The following SEPTIN7 variants were observed in gnomAD, a reference collection of about 807,000 sequenced individuals.
SEPTIN7 encodes the protein septin-7.
In SEPTIN7, 10 loss-of-function variants were observed where a neutral mutation model predicts 63.3. That is an observed-to-expected ratio of 0.16 (90% confidence interval 0.10 to 0.27). The LOEUF is 0.27. Ranked by LOEUF, SEPTIN7 falls within the 10% of genes least tolerant of loss-of-function variation. The pLI is 1.00. For synonymous variants in SEPTIN7, 131 were observed against 165.3 expected, an observed-to-expected ratio of 0.79 and a Z score of 1.59; for missense variants, 310 against 521.0, an observed-to-expected ratio of 0.59 and a Z score of 3.94.
chr7:35,858,313 T>G (rs1026096450), intron 3 of SEPTIN7, among the ~76,000 whole-genome samples: 2 of 152,126 alleles, frequency 1.3e-5, no homozygotes, highest in African/African-American at 4.8e-5. Flanking sequence ...TTATGGTTTG[T>G]CAGTTTTGTT....
intron 1 of SEPTIN7, among the ~76,000 whole-genome samples, chr7:35,811,703 A>G (rs1788716940): frequency 6.6e-6 from 1 of 152,146 alleles, no homozygotes; most frequent in South Asian, 2.1e-4. Context: ...TCTGGCCAAC[A>G]TGGTGAAACC....
intron 1 of SEPTIN7, among the ~76,000 whole-genome samples, chr7:35,823,860 T>C (rs1165842794): frequency 6.6e-6 from 1 of 151,642 alleles, no homozygotes; most frequent in Non-Finnish European, 1.5e-5. Flanking sequence ...ACTTCTCTTC[T>C]CTTTTTTTTT....
chr7:35,813,518 C>T (rs531707378), intron 1 of SEPTIN7, among the ~76,000 whole-genome samples: 8 of 152,258 alleles, frequency 5.3e-5, no homozygotes, highest in African/African-American at 1.9e-4. Context: ...GGATTACAGG[C>T]GTGTGCCACC....
At chr7:35,866,882 G>C (rs1785836442) in intron 4 of SEPTIN7, among the ~76,000 whole-genome samples, 1 of 152,176 alleles carries the variant, frequency 6.6e-6, no homozygotes, top group Non-Finnish European at 1.5e-5. Flanking sequence ...CACCTGGAAG[G>C]CTTGTCGAAA....
chr7:35,841,516 G>T (rs1393307869), intron 3 of SEPTIN7, among the ~76,000 whole-genome samples: 1 of 152,142 alleles, frequency 6.6e-6, no homozygotes, highest in African/African-American at 2.4e-5. Context: ...AAACTTCATA[G>T]TATATAGGCT....
intron 10 of SEPTIN7, among the ~76,000 whole-genome samples, chr7:35,887,195 A>G (rs575820719): frequency 2.0e-5 from 3 of 152,378 alleles, no homozygotes; most frequent in Non-Finnish European, 4.4e-5. Context: ...ATACTAATTT[A>G]CCATTGCATT....
At chr7:35,869,026 G>A (rs1785984435) in intron 4 of SEPTIN7, among the ~76,000 whole-genome samples, 1 of 152,056 alleles carries the variant, frequency 6.6e-6, no homozygotes, top group African/African-American at 2.4e-5. Flanking sequence ...ATATTAGCAG[G>A]GAAATTCTTG....
chr7:35,834,955 A>C (rs1475857574), intron 3 of SEPTIN7, among the ~76,000 whole-genome samples: 1 of 152,156 alleles, frequency 6.6e-6, no homozygotes, highest in African/African-American at 2.4e-5. Context: ...ATCAACTGAG[A>C]ATCTGTAACA....
chr7:35,855,047 C>T (rs547648135), intron 3 of SEPTIN7, among the ~76,000 whole-genome samples: 2 of 152,194 alleles, frequency 1.3e-5, no homozygotes, highest in Admixed American at 6.5e-5. Flanking sequence ...CATTTCCAGT[C>T]CTGTCTCTAG....
At chr7:35,816,475 T>C (rs1789075521) in intron 1 of SEPTIN7, among the ~76,000 whole-genome samples, 2 of 152,188 alleles carry the variant, frequency 1.3e-5, no homozygotes, top group Non-Finnish European at 2.9e-5. Context: ...ATTTATCCGT[T>C]AGTTGATATT....
At chr7:35,882,766 A>G (rs1324696606) in intron 8 of SEPTIN7, among the ~76,000 whole-genome samples, 190 bp downstream of exon 8, 2 of 152,108 alleles carry the variant, frequency 1.3e-5, no homozygotes, top group Admixed American at 6.5e-5. Flanking sequence ...AAGGAATTGT[A>G]TAAACTACTG....
chr7:35,843,247 C>G (rs908019905), intron 3 of SEPTIN7, among the ~76,000 whole-genome samples: 17 of 152,304 alleles, frequency 1.1e-4, no homozygotes, highest in Middle Eastern at 6.8e-3. Flanking sequence ...CTGCTTACCT[C>G]TCTTGTGCTG....
chr7:35,826,311 T>C (rs983902031), intron 1 of SEPTIN7, among the ~76,000 whole-genome samples: 7 of 151,446 alleles, frequency 4.6e-5, no homozygotes, highest in African/African-American at 7.3e-5. Flanking sequence ...AGTCTGTGGT[T>C]GTTTTTCATA....
rs538003853 is a variant in SEPTIN7, at chr7:35,906,363, C to T, written c.*2070C>T. 1.3e-5 allele frequency: 2 copies of T among 152,234 alleles called. No individual in the cohort carries two copies. The highest frequency in any genetic ancestry group is 4.8e-5 in the African/African-American group (2 of 41,542). The allele number at this position is 152,234 out of a possible 1,614,324, so 9.4% of individuals were successfully genotyped here. ...AGGACTTTTGATTGTTGACTCCAGG[C>T]TTAGGTATATCAGAAGGTTCTTTTT... On this transcript the variant is annotated 3_prime_UTR_variant, in exon 14 of 14. Coordinates refer to ENST00000350320, the MANE Select transcript of SEPTIN7 (RefSeq NM_001788.6).
At chr7:35,892,598 T>C (rs1228138934) in intron 11 of SEPTIN7, among the ~76,000 whole-genome samples, 2 of 152,152 alleles carry the variant, frequency 1.3e-5, no homozygotes. Flanking sequence ...AAAGGAATTA[T>C]TTATTTGTTC....
Position 35,863,531 on chromosome 7 carries a change from A to G in SEPTIN7, c.170-21A>G, listed in dbSNP as rs1183131798. On this transcript the variant is annotated intron_variant, in intron 3 of 13. Transcript: ENST00000350320. ...CGTAAAGTGGGTGAGTTTAACAGAT[A>G]TTTTCCCTTATTTCTTTTAGGTGAA... 4.1e-6 allele frequency: 6 copies of G among 1,448,760 alleles called. No homozygotes were observed. In the East Asian group the frequency reaches 9.1e-5, roughly 22 times the overall value. The allele number at this position is 1,448,760 out of a possible 1,614,324, so 89.7% of individuals were successfully genotyped here.
intron 12 of SEPTIN7, chr7:35,900,244 C>T (rs1039783601): frequency 6.6e-6 from 1 of 152,166 alleles, no homozygotes; most frequent in Non-Finnish European, 1.5e-5. Context: ...TTATTAAAAT[C>T]TTTCACTGTT....
rs1788584458 is a variant in SEPTIN7 at position 35,905,827 on chromosome 7, A to C, written c.*1534A>C. ...GAAACTGAAATTTTTTTTAACTGTAAAGAGGGTAGTGTCATTTCTTTTCTT... is the reference window on the plus strand; with the variant it reads ...GAAACTGAAATTTTTTTTAACTGTACAGAGGGTAGTGTCATTTCTTTTCTT... On this transcript the variant is annotated 3_prime_UTR_variant, in exon 14 of 14. Coordinates refer to ENST00000350320, the MANE Select transcript of SEPTIN7 (RefSeq NM_001788.6). 6.6e-6 allele frequency: 1 copy of C among 152,212 alleles called. No individual in the cohort carries two copies. 9.4% of individuals were successfully genotyped at this position (152,212 alleles called of 1,614,324 possible).
At chr7:35,823,261 G>A (rs1337818123) in intron 1 of SEPTIN7, among the ~76,000 whole-genome samples, 1 of 152,138 alleles carries the variant, frequency 6.6e-6, no homozygotes, top group East Asian at 1.9e-4. Context: ...GAGTACAATA[G>A]CGTGATCTTG....
Sources: gnomAD v4.1 joint callset for allele counts (sites outside exome capture counted in the v4.1 genomes callset) on GRCh38, gnomAD v4.1.1 for gene constraint, MANE v1.5 for transcripts, NCBI Gene and HGNC (gene_info 2026-07-23, HGNC 2026-07-21) for gene names.